Variants in FSTL5 observed in about 807,000 individuals in gnomAD.
FSTL5 encodes the protein follistatin like 5.
Under a neutral mutation model 89.1 loss-of-function variants are expected in FSTL5, and 62 were observed. The ratio of observed to expected loss-of-function variants is 0.70; its 90% CI spans 0.57 to 0.86. The LOEUF (loss-of-function observed/expected upper bound fraction) is 0.86. Among genes scored for constraint, FSTL5 ranks in the 40% least tolerant of loss-of-function variants. The pLI is 0.00. For missense variants in FSTL5, 1,057 were observed against 1,001.6 expected (o/e 1.06, Z -0.75); for synonymous variants, 383 against 346.2 (o/e 1.11, Z -1.18).
intron 3 of FSTL5, among the ~76,000 whole-genome samples, chr4:162,029,987 T>C (rs1444951175): frequency 4.0e-5 from 6 of 151,858 alleles, no homozygotes; most frequent in South Asian, 2.1e-4. Flanking sequence ...TCTCAGCTCA[T>C]TGCAAACTCC....
At chr4:161,729,056 T>C (rs945822589) in intron 6 of FSTL5, among the ~76,000 whole-genome samples, 2 of 152,062 alleles carry the variant, frequency 1.3e-5, no homozygotes, top group African/African-American at 2.4e-5. Context: ...AGAGACCAAC[T>C]CTTCCTGAGG....
At chr4:161,571,107 T>TAA (rs952114143) in intron 8 of FSTL5, among the ~76,000 whole-genome samples, 1 of 145,654 alleles carries the variant, frequency 6.9e-6, no homozygotes, top group Admixed American at 6.9e-5. Flanking sequence ...AGACTCCGTT[T>TAA]AAAAAAAAAA....
At chr4:162,135,864 G>A (rs17042030) in intron 1 of FSTL5, among the ~76,000 whole-genome samples, 8,049 of 151,780 alleles carry the variant, frequency 0.053, 456 homozygotes, top group African/African-American at 0.13. Context: ...ACTACTTCTC[G>A]GAAGGATGTT....
Position 161,785,434 on chromosome 4 carries a change from A to G in FSTL5, c.410-9360T>C, listed in dbSNP as rs375174321. On this transcript the variant is annotated intron_variant, in intron 4 of 15. Transcript: ENST00000306100. ...TTGATAAGGTTTTTTAATTTCTCCA[A>G]AAATTATTAGAGCAACTAAATAATA... is the stretch of plus-strand genomic sequence containing the variant. Among the ~76,000 whole-genome samples, 8 of 152,212 alleles carry G rather than the reference A, an allele frequency of 5.3e-5. No homozygotes were observed. The East Asian group carries it at 5.8e-4, about 11-fold the overall frequency.
intron 3 of FSTL5, among the ~76,000 whole-genome samples, chr4:161,984,709 A>G (rs1335916890): frequency 6.6e-6 from 1 of 152,194 alleles, no homozygotes. Flanking sequence ...TTTCCAAAAG[A>G]TTACAATGAT....
intron 10 of FSTL5, among the ~76,000 whole-genome samples, chr4:161,537,021 C>G (rs1430774870): frequency 6.6e-6 from 1 of 151,920 alleles, no homozygotes; most frequent in Non-Finnish European, 1.5e-5. Flanking sequence ...TCTCTTTTTT[C>G]AACCTAAAGA....
chr4:161,483,392 A>G lies in FSTL5; in HGVS notation c.1459-2223T>C, dbSNP rs73861544. Reference sequence around the variant, plus strand: ...AATGAAAAGTGTGAGTGACCTGACAAATAACTGTCAGCCAAACAACTGCTG... The same window carrying G: ...AATGAAAAGTGTGAGTGACCTGACAGATAACTGTCAGCCAAACAACTGCTG... On this transcript the variant is annotated intron_variant, in intron 12 of 15. Coordinates refer to ENST00000306100, the MANE Select transcript of FSTL5 (RefSeq NM_020116.5). Among the ~76,000 whole-genome samples, 1,239 of 152,344 alleles carry G rather than the reference A, an allele frequency of 8.1e-3. 18 individuals carry two copies. Among genetic ancestry groups the G allele is most frequent in the African/African-American group, 0.028 (1,149 of 41,586 alleles).
chr4:162,029,424 G>T (rs569050772), intron 3 of FSTL5, among the ~76,000 whole-genome samples: 3 of 152,146 alleles, frequency 2.0e-5, no homozygotes, highest in South Asian at 4.2e-4. Flanking sequence ...AATGATAAAT[G>T]TTTATAATAA....
intron 4 of FSTL5, among the ~76,000 whole-genome samples, chr4:161,795,308 T>C (rs1235720356): frequency 2.0e-5 from 3 of 152,138 alleles, no homozygotes; most frequent in Non-Finnish European, 4.4e-5. Flanking sequence ...TGTCTAAATT[T>C]ATTTAAAATG....
chr4:161,815,868 T>G (rs1466075037), intron 4 of FSTL5, among the ~76,000 whole-genome samples: 1 of 152,196 alleles, frequency 6.6e-6, no homozygotes, highest in African/African-American at 2.4e-5. Flanking sequence ...GAAGGATAGT[T>G]TGTTAAATGT....
chr4:162,090,163 C>T (rs1449893298), intron 2 of FSTL5, among the ~76,000 whole-genome samples: 1 of 152,092 alleles, frequency 6.6e-6, no homozygotes, highest in African/African-American at 2.4e-5. Context: ...CTAGGCAATA[C>T]CATCCTGCAC....
At chr4:162,110,957 T>A (rs544223043) in intron 2 of FSTL5, among the ~76,000 whole-genome samples, 8 of 152,052 alleles carry the variant, frequency 5.3e-5, no homozygotes, top group African/African-American at 1.7e-4. Flanking sequence ...AATATGGGAG[T>A]AATATAAATT....
chr4:161,945,376 C>A (rs939585188), intron 3 of FSTL5, among the ~76,000 whole-genome samples: 3 of 152,120 alleles, frequency 2.0e-5, no homozygotes, highest in African/African-American at 7.2e-5. Context: ...AAGGATTTGA[C>A]ATGTTATCAT....
intron 3 of FSTL5, among the ~76,000 whole-genome samples, chr4:161,921,780 A>G (rs1734002207): frequency 6.6e-6 from 1 of 152,032 alleles, no homozygotes; most frequent in African/African-American, 2.4e-5. Context: ...TACCTAACAC[A>G]TCTGTAACTC....
At chr4:162,070,736 C>T (rs2101216) in intron 2 of FSTL5, among the ~76,000 whole-genome samples, 59,615 of 151,338 alleles carry the variant, frequency 0.39, 12,374 homozygotes, top group Non-Finnish European at 0.46. Flanking sequence ...CAAAAAAGAA[C>T]GGGATAATGT....
intron 14 of FSTL5, 115 bp downstream of exon 14, chr4:161,459,097 T>A: frequency 1.4e-6 from 1 of 712,952 alleles, no homozygotes; most frequent in Non-Finnish European, 2.3e-6. Context: ...TAGTTATGAT[T>A]AAAGCTGTAG....
intron 12 of FSTL5, among the ~76,000 whole-genome samples, chr4:161,498,712 C>T (rs542727810): frequency 1.6e-4 from 24 of 152,130 alleles, no homozygotes; most frequent in Middle Eastern, 3.4e-3. Flanking sequence ...TATTGAACAC[C>T]ACACTACCTA....
chr4:161,969,475 TAG>T (rs1245518094), intron 3 of FSTL5, among the ~76,000 whole-genome samples: 1 of 152,056 alleles, frequency 6.6e-6, no homozygotes, highest in Non-Finnish European at 1.5e-5. Context: ...TTAGAAAAGA[TAG>T]AGAGATCAAA....
intron 4 of FSTL5, among the ~76,000 whole-genome samples, chr4:161,917,058 G>A (rs7657260): frequency 0.81 from 123,952 of 152,114 alleles, 51,436 homozygotes; most frequent in Non-Finnish European, 0.89. Context: ...GGTTCAACCA[G>A]TTATCTGCCT....
Sources: allele counts gnomAD v4.1 joint callset (sites outside exome capture counted in the v4.1 genomes callset), GRCh38; gene constraint gnomAD v4.1.1; transcripts MANE v1.5; gene names NCBI Gene and HGNC (gene_info 2026-07-23, HGNC 2026-07-21).